RAB27A: variants seen among roughly 807,000 people sequenced by gnomAD.
RAB27A encodes ras-related protein Rab-27A.
In RAB27A, 17 loss-of-function variants were observed where a neutral mutation model predicts 20.8. The ratio of observed to expected loss-of-function variants is 0.82; its 90% CI spans 0.56 to 1.23. RAB27A has a LOEUF of 1.23. RAB27A is among the 50% of genes most tolerant of loss of function. The pLI is 0.00. For missense variants in RAB27A, 277 were observed against 266.7 expected, an observed-to-expected ratio of 1.04 and a Z score of -0.27; for synonymous variants, 85 against 92.8, an observed-to-expected ratio of 0.92 and a Z score of 0.48.
intron 2 of RAB27A, among the ~76,000 whole-genome samples, chr15:55,264,359 CTTTAT>C (rs1897385178): frequency 6.6e-6 from 1 of 152,098 alleles, no homozygotes; most frequent in South Asian, 2.1e-4. Context: ...CAGCCAAAAT[CTTTAT>C]TTTGTGATTT....
intron 1 of RAB27A, among the ~76,000 whole-genome samples, chr15:55,287,750 A>G (rs1898196348): frequency 6.7e-6 from 1 of 149,540 alleles, no homozygotes; most frequent in African/African-American, 2.4e-5. Context: ...TCCATCTCGA[A>G]AAAAAAAAAA....
At chr15:55,263,245 G>A (rs1340860472) in intron 2 of RAB27A, among the ~76,000 whole-genome samples, 3 of 152,080 alleles carry the variant, frequency 2.0e-5, no homozygotes, top group East Asian at 1.9e-4. Flanking sequence ...GTAGTTCTCA[G>A]GGTAATTAAT....
intron 1 of RAB27A, among the ~76,000 whole-genome samples, chr15:55,278,470 C>A (rs1204399297): frequency 6.9e-6 from 1 of 145,586 alleles, no homozygotes; most frequent in African/African-American, 2.7e-5. Context: ...ATTCAGTCTT[C>A]TAATCATTAT....
chr15:55,289,044 T>C (rs11857829), intron 1 of RAB27A: 7,141 of 152,404 alleles, frequency 0.047, 243 homozygotes, highest in Non-Finnish European at 0.067. Flanking sequence ...TGAGGCCATG[T>C]GGGCCCAGGT....
chr15:55,290,500 A>T (rs2141137384), upstream of RAB27A: 1 of 152,396 alleles, frequency 6.6e-6, no homozygotes, highest in Middle Eastern at 3.4e-3. Context: ...ACACTGTGTA[A>T]TTCAAGAATA....
intron 6 of RAB27A, among the ~76,000 whole-genome samples, chr15:55,209,788 G>GTATACATATATACACATATA (rs1894839087): frequency 1.2e-5 from 1 of 81,290 alleles, no homozygotes; most frequent in African/African-American, 1.1e-4. Flanking sequence ...ACACACATAT[G>GTATACATATATACACATATA]TGTGTATGTA....
intron 1 of RAB27A, among the ~76,000 whole-genome samples, chr15:55,278,125 T>C (rs12899120): frequency 0.044 from 6,641 of 152,328 alleles, 231 homozygotes; most frequent in Middle Eastern, 0.058. Flanking sequence ...ATTTGCTTTA[T>C]ATATAGTGGA....
At chr15:55,241,074 C>G (rs1205650247) in intron 2 of RAB27A, among the ~76,000 whole-genome samples, 1 of 152,166 alleles carries the variant, frequency 6.6e-6, no homozygotes, top group African/African-American at 2.4e-5. Flanking sequence ...GCAGCAGCAT[C>G]CAGCAATCTG....
intron 2 of RAB27A, among the ~76,000 whole-genome samples, chr15:55,262,545 G>GGA (rs1555398002): frequency 7.1e-6 from 1 of 141,570 alleles, no homozygotes; most frequent in Non-Finnish European, 1.5e-5. Flanking sequence ...CTGACTCAAA[G>GGA]AAAAAAAAAA....
At chr15:55,214,354 T>C (rs910148577) in intron 6 of RAB27A, among the ~76,000 whole-genome samples, 3 of 152,206 alleles carry the variant, frequency 2.0e-5, no homozygotes, top group Non-Finnish European at 4.4e-5. Context: ...GAGGATGGCA[T>C]GAACCCAGGA....
intron 2 of RAB27A, among the ~76,000 whole-genome samples, chr15:55,301,512 CT>C (rs2054971920): frequency 6.6e-6 from 1 of 151,936 alleles, no homozygotes; most frequent in Admixed American, 6.6e-5. Context: ...TTTATGACAG[CT>C]TTGAGATATA....
intron 2 of RAB27A, among the ~76,000 whole-genome samples, chr15:55,260,559 G>A (rs916934747): frequency 6.6e-6 from 1 of 152,168 alleles, no homozygotes; most frequent in Non-Finnish European, 1.5e-5. Context: ...GTAGATGAAT[G>A]GATAAATAAA....
At position 55,234,805 on chromosome 15, in the gene RAB27A, T is replaced by G; in HGVS notation, c.130A>C (p.Ile44Leu). 6.2e-7 allele frequency: 1 copy of G among 1,611,712 alleles called. No individual in the cohort carries two copies. Among genetic ancestry groups the G allele is most frequent in the South Asian group, 1.1e-5 (1 of 91,040 alleles). The change falls in exon 3 of 7, where the codon ATT becomes CTT. Residue 44 changes from isoleucine (I) to leucine (L), a missense_variant. Transcript: ENST00000336787. ...FNSKFITTVG[I>L]DFREKRVVYR... ...ACCACTCTTTTTTCCCTGAAATCAATGCCCACTGTTGTGATAAATTTGGAG... is the reference window on the plus strand; with the variant it reads ...ACCACTCTTTTTTCCCTGAAATCAAGGCCCACTGTTGTGATAAATTTGGAG...
chr15:55,249,796 A>G (rs568212780), intron 2 of RAB27A, among the ~76,000 whole-genome samples: 101 of 152,332 alleles, frequency 6.6e-4, no homozygotes, highest in Admixed American at 1.4e-3. Flanking sequence ...GCCCAAGGTC[A>G]TGTCTTAAAG....
intron 1 of RAB27A, among the ~76,000 whole-genome samples, chr15:55,285,957 T>C (rs1332567296): frequency 1.3e-5 from 2 of 152,192 alleles, no homozygotes; most frequent in Admixed American, 1.3e-4. Context: ...TTTCTACTTA[T>C]TTGACCTTTC....
At chr15:55,253,273 C>A (rs1896960947) in intron 2 of RAB27A, among the ~76,000 whole-genome samples, 1 of 151,422 alleles carries the variant, frequency 6.6e-6, no homozygotes, top group Non-Finnish European at 1.5e-5. Context: ...CATGGTGAAA[C>A]CCATCTCTAC....
intron 1 of RAB27A, among the ~76,000 whole-genome samples, chr15:55,284,986 G>A (rs1187668487): frequency 5.3e-5 from 8 of 152,046 alleles, no homozygotes; most frequent in South Asian, 4.1e-4. Flanking sequence ...TTTCACCATC[G>A]ATGCATTTCC....
chr15:55,237,956 C>T (rs925769954), intron 2 of RAB27A, among the ~76,000 whole-genome samples: 3 of 152,114 alleles, frequency 2.0e-5, no homozygotes, highest in Non-Finnish European at 4.4e-5. Flanking sequence ...TAATGTGTTT[C>T]ATTTCCATGG....
intron 2 of RAB27A, among the ~76,000 whole-genome samples, chr15:55,300,101 T>C (rs1595754767): frequency 1.3e-5 from 2 of 152,242 alleles, no homozygotes; most frequent in South Asian, 4.1e-4. Flanking sequence ...ATTACAGGCA[T>C]GAGCCACCGC....
Sources: gnomAD v4.1 joint callset for allele counts (sites outside exome capture counted in the v4.1 genomes callset) on GRCh38, gnomAD v4.1.1 for gene constraint, MANE v1.5 for transcripts, NCBI Gene and HGNC (gene_info 2026-07-23, HGNC 2026-07-21) for gene names.